The following AGBL4 variants were observed in gnomAD, a reference collection of about 807,000 sequenced individuals.
AGBL4 encodes AGBL carboxypeptidase 4.
In AGBL4, 58 loss-of-function variants were observed where a neutral mutation model predicts 66.4. The observed-to-expected ratio is 0.87, with a 90% CI of 0.71 to 1.09. The LOEUF (loss-of-function observed/expected upper bound fraction) is 1.09. Ranked by LOEUF, AGBL4 falls within the 50% of genes least tolerant of loss-of-function variation. The probability of loss-of-function intolerance (pLI) is 0.00; values close to 1 mark genes in which losing one functional copy is unlikely to be tolerated. For synonymous variants in AGBL4, 234 were observed against 222.9 expected, an observed-to-expected ratio of 1.05 and a Z score of -0.44; for missense variants, 579 against 631.0, an observed-to-expected ratio of 0.92 and a Z score of 0.88.
chr1:48,783,848 T>TG (rs1645352703), intron 6 of AGBL4, among the ~76,000 whole-genome samples: 3 of 152,160 alleles, frequency 2.0e-5, no homozygotes, highest in Admixed American at 2.0e-4. Flanking sequence ...GATCTTAAGG[T>TG]AACATGCCAA....
Position 49,288,305 on chromosome 1 carries a change from G to A in AGBL4, c.283-42441C>T, listed in dbSNP as rs1450434530. ...GGTGCAGCACACCAGCATGGCACAT[G>A]TATACATATGTAACTAACCTGCACA... is the stretch of plus-strand genomic sequence containing the variant. On this transcript the variant is annotated intron_variant, in intron 3 of 13. Transcript: ENST00000371839. Among the ~76,000 whole-genome samples, 7 of 150,248 alleles carry A rather than the reference G, an allele frequency of 4.7e-5. No individual in the cohort carries two copies. In the East Asian group the frequency reaches 1.4e-3, roughly 30 times the overall value.
At chr1:49,864,598 G>A (rs1466568403) in intron 1 of AGBL4, among the ~76,000 whole-genome samples, 1 of 152,144 alleles carries the variant, frequency 6.6e-6, no homozygotes, top group Non-Finnish European at 1.5e-5. Context: ...CCCTAGCCAA[G>A]GGATGCAGGG....
chr1:49,922,109 T>C (rs1652316854), intron 1 of AGBL4, among the ~76,000 whole-genome samples: 2 of 152,362 alleles, frequency 1.3e-5, no homozygotes, highest in Middle Eastern at 3.4e-3. Context: ...AATCATGTTT[T>C]TGTCTTTTGT....
At chr1:49,302,073 A>C (rs2148445062) in intron 3 of AGBL4, among the ~76,000 whole-genome samples, 1 of 152,022 alleles carries the variant, frequency 6.6e-6, no homozygotes, top group Admixed American at 6.6e-5. Flanking sequence ...GGCTATAATA[A>C]ACCTTCCTCC....
intron 3 of AGBL4, among the ~76,000 whole-genome samples, chr1:49,547,001 T>C (rs1652541900): frequency 6.6e-6 from 1 of 152,238 alleles, no homozygotes; most frequent in African/African-American, 2.4e-5. Context: ...AAAAGCTCTT[T>C]AGTTTAATTA....
chr1:48,992,825 C>T (rs1660710564), intron 5 of AGBL4, among the ~76,000 whole-genome samples: 1 of 152,102 alleles, frequency 6.6e-6, no homozygotes, highest in Admixed American at 6.5e-5. Flanking sequence ...CCCAAGGGCT[C>T]TTCAGTCAGC....
intron 3 of AGBL4, among the ~76,000 whole-genome samples, chr1:49,282,422 G>A (rs532392229): frequency 6.6e-6 from 1 of 152,302 alleles, no homozygotes. Flanking sequence ...ATGGTTAGAT[G>A]ATGGGTAGGT....
At chr1:49,644,887 A>G (rs1308153449) in intron 3 of AGBL4, among the ~76,000 whole-genome samples, 1 of 151,534 alleles carries the variant, frequency 6.6e-6, no homozygotes, top group Non-Finnish European at 1.5e-5. Flanking sequence ...AGAAATTCTC[A>G]ATATAGGATT....
chr1:48,601,544 T>C (rs1038997563), intron 9 of AGBL4, among the ~76,000 whole-genome samples: 1 of 152,168 alleles, frequency 6.6e-6, no homozygotes, highest in Non-Finnish European at 1.5e-5. Flanking sequence ...AAGAGGAGCT[T>C]GGGGACAAGC....
intron 4 of AGBL4, among the ~76,000 whole-genome samples, chr1:49,063,390 G>A (rs1031611662): frequency 2.0e-5 from 3 of 152,156 alleles, no homozygotes; most frequent in South Asian, 2.1e-4. Flanking sequence ...CAAAGAGGTC[G>A]GGGGTTTAGG....
chr1:49,766,698 A>G (rs1340013055), intron 2 of AGBL4, among the ~76,000 whole-genome samples: 2 of 152,098 alleles, frequency 1.3e-5, no homozygotes, highest in African/African-American at 4.8e-5. Context: ...TAGCTCACAC[A>G]TAACAACACA....
chr1:49,389,729 A>G (rs1347524851), intron 3 of AGBL4, among the ~76,000 whole-genome samples: 1 of 152,174 alleles, frequency 6.6e-6, no homozygotes, highest in Non-Finnish European at 1.5e-5. Flanking sequence ...GTGAGGAAGA[A>G]GGGGAAACTC....
At chr1:48,932,910 A>G (rs1655148489) in intron 5 of AGBL4, among the ~76,000 whole-genome samples, 2 of 152,278 alleles carry the variant, frequency 1.3e-5, no homozygotes, top group South Asian at 4.1e-4. Context: ...GAAACAGGTA[A>G]AAACACACAC....
intron 2 of AGBL4, among the ~76,000 whole-genome samples, chr1:49,787,772 A>C (rs1371279297): frequency 6.6e-6 from 1 of 152,200 alleles, no homozygotes; most frequent in Non-Finnish European, 1.5e-5. Context: ...TTCCCAGTGA[A>C]GTCACACAGG....
chr1:49,299,363 G>A (rs562333786), intron 3 of AGBL4, among the ~76,000 whole-genome samples: 10 of 152,224 alleles, frequency 6.6e-5, no homozygotes, highest in South Asian at 6.2e-4. Flanking sequence ...ATCTGATTAC[G>A]TAGCCTTTAC....
At chr1:49,317,062 A>G (rs890264487) in intron 3 of AGBL4, among the ~76,000 whole-genome samples, 6 of 151,952 alleles carry the variant, frequency 3.9e-5, no homozygotes, top group East Asian at 1.9e-4. Context: ...TATCTCTATC[A>G]TCCATCTATC....
At chr1:49,646,494 TATA>T (rs1306334061) in intron 3 of AGBL4, among the ~76,000 whole-genome samples, 1 of 151,930 alleles carries the variant, frequency 6.6e-6, no homozygotes, top group Admixed American at 6.6e-5. Context: ...GTATAAGACC[TATA>T]AATTTAAAAC....
intron 3 of AGBL4, among the ~76,000 whole-genome samples, chr1:49,490,375 CAGT>C (rs1373236505): frequency 6.6e-6 from 1 of 151,652 alleles, no homozygotes; most frequent in Non-Finnish European, 1.5e-5. Context: ...TCCTACTTCT[CAGT>C]AATTAAATTT....
intron 3 of AGBL4, among the ~76,000 whole-genome samples, chr1:49,251,384 CAAATGGAG>C: frequency 1.3e-5 from 2 of 152,202 alleles, no homozygotes; most frequent in African/African-American, 4.8e-5. Context: ...ATAGCCATTG[CAAATGGAG>C]GCTTGGTGGG....
Sources: allele counts gnomAD v4.1 joint callset (sites outside exome capture counted in the v4.1 genomes callset), GRCh38; gene constraint gnomAD v4.1.1; transcripts MANE v1.5; gene names NCBI Gene and HGNC (gene_info 2026-07-23, HGNC 2026-07-21).